The following PTPRN2 variants were observed in gnomAD, a reference collection of about 807,000 sequenced individuals.
PTPRN2 encodes receptor-type tyrosine-protein phosphatase N2.
A neutral mutation model predicts 118.8 loss-of-function variants in PTPRN2; 74 were observed. That is an observed-to-expected ratio of 0.62 (90% confidence interval 0.52 to 0.76). The LOEUF is 0.76. Among genes scored for constraint, PTPRN2 ranks in the 30% least tolerant of loss-of-function variants. The probability of loss-of-function intolerance (pLI) is 0.00; values close to 1 mark genes in which losing one functional copy is unlikely to be tolerated. For synonymous variants in PTPRN2, 641 were observed against 608.0 expected, an observed-to-expected ratio of 1.05 and a Z score of -0.80; for missense variants, 1,481 against 1,394.4, an observed-to-expected ratio of 1.06 and a Z score of -0.99.
At chr7:158,374,322 C>A (rs187596210) in intron 2 of PTPRN2, among the ~76,000 whole-genome samples, 1 of 152,204 alleles carries the variant, frequency 6.6e-6, no homozygotes, top group East Asian at 1.9e-4. Context: ...AACACCAACT[C>A]AAAAGGCCAA....
intron 3 of PTPRN2, among the ~76,000 whole-genome samples, chr7:158,223,666 A>T (rs1828533084): frequency 6.6e-6 from 1 of 152,202 alleles, no homozygotes. Context: ...CACTTTATCA[A>T]GCTAACAATA....
At chr7:158,581,847 G>C (rs1280546209) in intron 1 of PTPRN2, among the ~76,000 whole-genome samples, 1 of 152,218 alleles carries the variant, frequency 6.6e-6, no homozygotes, top group Non-Finnish European at 1.5e-5. Flanking sequence ...AATGCAGCTC[G>C]GTAGTCCGAG....
At chr7:158,477,643 T>C (rs1820361439) in intron 2 of PTPRN2, among the ~76,000 whole-genome samples, 1 of 152,154 alleles carries the variant, frequency 6.6e-6, no homozygotes, top group Non-Finnish European at 1.5e-5. Context: ...AACCGAGAAT[T>C]TGATTTTAAA....
rs1797564539 is a variant in PTPRN2, at chr7:157,903,135, CCA to C, written c.1724-4400_1724-4399del. On this transcript the variant is annotated intron_variant, in intron 11 of 22. Transcript: ENST00000389418. The surrounding 1 kb of genome is among the most constrained non-coding windows in gnomAD (Gnocchi z 4.2). ...GACATCATCAGAGAGCCACACGCTG[CCA>C]CACACTCTCGCACGGAAGTGGGAAC... Among the ~76,000 whole-genome samples the C allele has an allele frequency of 6.6e-6, 1 of 152,144 alleles. No homozygotes were observed. Among genetic ancestry groups the C allele is most frequent in the Non-Finnish European group, 1.5e-5 (1 of 68,036 alleles).
chr7:157,834,103 A>G (rs1807772200), intron 12 of PTPRN2, among the ~76,000 whole-genome samples: 1 of 150,666 alleles, frequency 6.6e-6, no homozygotes, highest in Non-Finnish European at 1.5e-5. Context: ...AATTCCACCC[A>G]CCAATCAGTG....
At chr7:158,512,741 A>G (rs1310325160) in intron 1 of PTPRN2, among the ~76,000 whole-genome samples, 1 of 152,214 alleles carries the variant, frequency 6.6e-6, no homozygotes, top group Non-Finnish European at 1.5e-5. Flanking sequence ...GGAAATACAC[A>G]AGATGAGCCT....
At position 157,610,976 on chromosome 7, in the gene PTPRN2, G is replaced by A. The variant is rs1291698010; in HGVS notation, c.2345-6901C>T. On this transcript the variant is annotated intron_variant, in intron 15 of 22. Coordinates refer to ENST00000389418, the MANE Select transcript of PTPRN2 (RefSeq NM_002847.5). The surrounding 1 kb of genome is among the most constrained non-coding windows in gnomAD (Gnocchi z 5.1). The stretch of plus-strand genomic sequence containing the variant: ...ATCTGGGCAGACTGGGACAGGCTGG[G>A]GCTCATATCCAGAAAGCCCTGCTAC... Among the ~76,000 whole-genome samples the A allele has an allele frequency of 1.3e-5, 2 of 152,174 alleles. No homozygotes were observed. The highest frequency in any genetic ancestry group is 4.8e-5 in the African/African-American group (2 of 41,452).
chr7:157,673,948 G>A (rs1007668410), intron 13 of PTPRN2, among the ~76,000 whole-genome samples: 2 of 152,272 alleles, frequency 1.3e-5, no homozygotes, highest in East Asian at 1.9e-4. Context: ...TGCTGTCCCC[G>A]TTGTTCCAGA....
intron 2 of PTPRN2, among the ~76,000 whole-genome samples, chr7:158,324,743 T>C (rs1288292925): frequency 6.6e-6 from 1 of 151,932 alleles, no homozygotes; most frequent in Non-Finnish European, 1.5e-5. Context: ...TGCTTGGAGA[T>C]ACTGAGCCTC....
At chr7:157,666,155 A>C (rs1796128225) in intron 13 of PTPRN2, among the ~76,000 whole-genome samples, 1 of 152,206 alleles carries the variant, frequency 6.6e-6, no homozygotes, top group African/African-American at 2.4e-5. Context: ...AAAGAAAAAA[A>C]ATTCCAGGTA....
chr7:157,659,847 C>T (rs368153202), intron 13 of PTPRN2, among the ~76,000 whole-genome samples: 1 of 152,042 alleles, frequency 6.6e-6, no homozygotes. Context: ...TGGGTTCAAA[C>T]GATTCTCCTG....
intron 11 of PTPRN2, among the ~76,000 whole-genome samples, chr7:158,026,787 C>T (rs550125258): frequency 1.1e-4 from 16 of 152,264 alleles, no homozygotes; most frequent in East Asian, 7.8e-4. Flanking sequence ...GTGCCCTCCA[C>T]GTATACCGTG....
chr7:157,785,306 C>T lies in PTPRN2; in HGVS notation c.1789-102369G>A, dbSNP rs372548900. ...GGTGTAAATCCACACTCTATGGTGA[C>T]GGTGGATCCACAGCTGCCGCGGGTC... On this transcript the variant is annotated intron_variant, in intron 12 of 22. Transcript: ENST00000389418. The surrounding 1 kb of genome is among the most constrained non-coding windows in gnomAD (Gnocchi z 7.3). Among the ~76,000 whole-genome samples the T allele has an allele frequency of 9.2e-5, 14 of 152,302 alleles. No homozygotes were observed. In the East Asian group the frequency reaches 1.2e-3, roughly 13 times the overall value.
At chr7:158,187,535 G>C (rs2150682416) in intron 5 of PTPRN2, among the ~76,000 whole-genome samples, 1 of 152,264 alleles carries the variant, frequency 6.6e-6, no homozygotes, top group African/African-American at 2.4e-5. Context: ...CGCACTTCCT[G>C]TGCTTATTCA....
chr7:157,629,353 GC>G lies in PTPRN2; in HGVS notation c.2197-7845del, dbSNP rs1048148318. Among the ~76,000 whole-genome samples the G allele has an allele frequency of 1.3e-5, 2 of 152,036 alleles. No individual in the cohort carries two copies. The highest frequency in any genetic ancestry group is 2.9e-5 in the Non-Finnish European group (2 of 68,022). ...AGGTTATTTTGGCATCTATCTGTTG[GC>G]TGTAACAATGAAGAAGTGAGATACT... On this transcript the variant is annotated intron_variant, in intron 14 of 22. Transcript: ENST00000389418. This position sits in a 1 kb window ranked among gnomAD's most constrained non-coding sequence, Gnocchi z 4.4.
intron 1 of PTPRN2, among the ~76,000 whole-genome samples, chr7:158,558,852 C>G (rs1421443942): frequency 6.6e-6 from 1 of 151,948 alleles, no homozygotes; most frequent in African/African-American, 2.4e-5. Context: ...AGACTGCACA[C>G]CAAGAGATGA....
intron 5 of PTPRN2, among the ~76,000 whole-genome samples, chr7:158,171,799 C>T (rs1823726109): frequency 6.6e-6 from 1 of 152,180 alleles, no homozygotes; most frequent in Non-Finnish European, 1.5e-5. Context: ...TGTTTTCAGT[C>T]TCAGTTCAAC....
intron 11 of PTPRN2, among the ~76,000 whole-genome samples, chr7:158,020,540 G>A (rs1806795725): frequency 6.6e-6 from 1 of 152,182 alleles, no homozygotes; most frequent in South Asian, 2.1e-4. Flanking sequence ...GATAGTGGGT[G>A]CGGAGAGGAG....
At chr7:157,819,363 G>A (rs1328649708) in intron 12 of PTPRN2, among the ~76,000 whole-genome samples, 2 of 152,186 alleles carry the variant, frequency 1.3e-5, no homozygotes, top group Non-Finnish European at 2.9e-5. Flanking sequence ...TGGCTCTGTC[G>A]GCTCGAGTCT....
Sources: allele counts gnomAD v4.1 joint callset (sites outside exome capture counted in the v4.1 genomes callset), GRCh38; gene constraint gnomAD v4.1.1; non-coding constraint Gnocchi (gnomAD v3.1); transcripts MANE v1.5; gene names NCBI Gene and HGNC (gene_info 2026-07-23, HGNC 2026-07-21).